RPS6KA3: variants seen among roughly 807,000 people sequenced by gnomAD.
The protein encoded by RPS6KA3 is ribosomal protein S6 kinase A3, also known as ribosomal protein S6 kinase alpha-3.
RPS6KA3 carries 4 observed loss-of-function variants against 67.2 expected under a neutral mutation model. That is an observed-to-expected ratio of 0.06 (90% CI 0.03 to 0.14). The LOEUF is 0.14. RPS6KA3 is among the 10% of genes least tolerant of loss of function. The pLI, the probability that RPS6KA3 is intolerant of heterozygous loss-of-function variation, is 1.00. For missense variants in RPS6KA3, 204 were observed against 559.0 expected (o/e 0.36, Z 6.40); for synonymous variants, 182 against 183.7 (o/e 0.99, Z 0.07).
At chrX:20,212,491 G>A (rs188779721) in intron 2 of RPS6KA3, among the ~76,000 whole-genome samples, 6 of 110,901 alleles carry the variant, frequency 5.4e-5, no homozygotes, top group South Asian at 3.8e-4. Context: ...ATGAGAGAGA[G>A]ACACCATCTC....
chrX:20,257,379 T>C (rs1392796309), intron 1 of RPS6KA3, among the ~76,000 whole-genome samples: 2 of 112,397 alleles, frequency 1.8e-5, no homozygotes, highest in Non-Finnish European at 3.8e-5. Flanking sequence ...TTGTGCATTG[T>C]GGCTCTTTCA....
At chrX:20,247,081 G>A (rs1417854775) in intron 1 of RPS6KA3, among the ~76,000 whole-genome samples, 3 of 112,308 alleles carry the variant, frequency 2.7e-5, no homozygotes, top group Non-Finnish European at 5.6e-5. Flanking sequence ...TTTCTAATTA[G>A]AGTTCCATGA....
rs35947983 is a variant in RPS6KA3 at position 20,256,172 on chromosome X, C to CAAAAAAAAAAA, written c.69+10381_69+10391dup. On this transcript the variant is annotated intron_variant, in intron 1 of 21. Transcript: ENST00000379565. ...TGGGTGACAGAGTGAGACACCGTCT[C>CAAAAAAAAAAA]AAAAAAAAAAAAAAAAAAAAAAAAA... 9.1e-3 allele frequency among the ~76,000 whole-genome samples: 130 copies of CAAAAAAAAAAA among 14,314 alleles called. 1 individual carries two copies. Among genetic ancestry groups the CAAAAAAAAAAA allele is most frequent in the Non-Finnish European group, 0.013 (106 of 8,035 alleles). 12.4% of individuals were successfully genotyped at this position (14,314 alleles called of 115,157 possible).
chrX:20,191,619 C>A (rs1362464507), intron 7 of RPS6KA3, among the ~76,000 whole-genome samples: 1 of 105,089 alleles, frequency 9.5e-6, no homozygotes, highest in Admixed American at 1.0e-4. Context: ...CTCTAATGAC[C>A]AGGGATGATG....
At chrX:20,219,317 CA>C (rs2068933483) in intron 2 of RPS6KA3, among the ~76,000 whole-genome samples, 1 of 111,501 alleles carries the variant, frequency 9.0e-6, no homozygotes, top group African/African-American at 3.3e-5. Flanking sequence ...TGTGTTTATA[CA>C]CACACTCAAG....
intron 2 of RPS6KA3, among the ~76,000 whole-genome samples, chrX:20,213,845 A>G (rs2068779612): frequency 9.0e-6 from 1 of 110,752 alleles, no homozygotes; most frequent in South Asian, 3.8e-4. Context: ...CATCCACATT[A>G]TCATGACAAT....
At chrX:20,183,195 A>AT (rs2067888132) in intron 10 of RPS6KA3, among the ~76,000 whole-genome samples, 1 of 110,770 alleles carries the variant, frequency 9.0e-6, no homozygotes, top group African/African-American at 3.3e-5. Context: ...TTTAAAAAAA[A>AT]TTTTTAATTC....
chrX:20,161,073 A>G (rs1463241261), intron 20 of RPS6KA3, among the ~76,000 whole-genome samples: 4 of 112,051 alleles, frequency 3.6e-5, no homozygotes, highest in East Asian at 2.8e-4. Context: ...AGGGCTCTTC[A>G]AACGATTTCA....
intron 1 of RPS6KA3, among the ~76,000 whole-genome samples, chrX:20,254,276 C>T (rs1312791081): frequency 1.8e-5 from 2 of 112,254 alleles, no homozygotes; most frequent in African/African-American, 6.5e-5. Flanking sequence ...CTTCAATTAA[C>T]TCTTGCACTT....
At chrX:20,194,868 TA>T (rs894639119) in intron 5 of RPS6KA3, among the ~76,000 whole-genome samples, 196 bp downstream of exon 5, 7 of 110,927 alleles carry the variant, frequency 6.3e-5, no homozygotes, top group African/African-American at 2.0e-4. Context: ...TTATAATATT[TA>T]AAAAAAACAT....
chrX:20,186,969 G>A (rs2067999704), intron 9 of RPS6KA3, among the ~76,000 whole-genome samples: 1 of 111,208 alleles, frequency 9.0e-6, no homozygotes, highest in South Asian at 3.7e-4. Flanking sequence ...AAGTAGCTGG[G>A]ATTACAGGTG....
intron 3 of RPS6KA3, among the ~76,000 whole-genome samples, chrX:20,206,577 C>G (rs2068577079): frequency 8.9e-6 from 1 of 112,215 alleles, no homozygotes; most frequent in Non-Finnish European, 1.9e-5. Context: ...AGACTTGATA[C>G]AAGGCATGAC....
At chrX:20,175,746 C>A (rs1023913373) in intron 13 of RPS6KA3, among the ~76,000 whole-genome samples, 5 of 111,743 alleles carry the variant, frequency 4.5e-5, no homozygotes, top group African/African-American at 1.6e-4. Context: ...TGGCTACTGG[C>A]TACCATATTA....
At chrX:20,172,327 T>A (rs2067593565) in intron 15 of RPS6KA3, among the ~76,000 whole-genome samples, 1 of 112,188 alleles carries the variant, frequency 8.9e-6, no homozygotes, top group African/African-American at 3.2e-5. Flanking sequence ...TTTATGATAG[T>A]GGTTTTTATT....
At position 20,241,018 on chromosome X, in the gene RPS6KA3, A is replaced by G. The variant is rs1036533655; in HGVS notation, c.70-6204T>C. On this transcript the variant is annotated intron_variant, in intron 1 of 21. Transcript: ENST00000379565. ...AATTTTATAAAGAGAAAAACAATAC[A>G]TGTAATTAGAAAAATCAGTTTATTT... Among the ~76,000 whole-genome samples, 4 of 111,387 alleles carry G rather than the reference A, an allele frequency of 3.6e-5. No individual in the cohort carries two copies. In the East Asian group the frequency reaches 8.4e-4, roughly 23 times the overall value.
chrX:20,253,957 G>C (rs1221893603), intron 1 of RPS6KA3, among the ~76,000 whole-genome samples: 1 of 111,339 alleles, frequency 9.0e-6, no homozygotes, highest in Non-Finnish European at 1.9e-5. Context: ...ACTCATTTAT[G>C]AGCTCTTCTT....
intron 10 of RPS6KA3, among the ~76,000 whole-genome samples, chrX:20,181,211 T>C (rs755955515): frequency 8.9e-6 from 1 of 112,258 alleles, no homozygotes; most frequent in African/African-American, 3.2e-5. Context: ...ATGTCGAATC[T>C]GGGTAACAGG....
chrX:20,209,819 G>A (rs963807824), intron 2 of RPS6KA3, among the ~76,000 whole-genome samples: 3 of 112,108 alleles, frequency 2.7e-5, no homozygotes, highest in African/African-American at 9.7e-5. Context: ...GTTATGCTAC[G>A]CAGAACTAAT....
intron 13 of RPS6KA3, 98 bp from the exon 14 acceptor site, chrX:20,175,386 A>G: frequency 1.1e-6 from 1 of 891,966 alleles, no homozygotes. Context: ...CTGGAATTCT[A>G]TTTCTCAGGT....
Sources: gnomAD v4.1 joint callset for allele counts (sites outside exome capture counted in the v4.1 genomes callset) on GRCh38, gnomAD v4.1.1 for gene constraint, MANE v1.5 for transcripts, NCBI Gene and HGNC (gene_info 2026-07-23, HGNC 2026-07-21) for gene names.